RIMS2: variants seen among roughly 807,000 people sequenced by gnomAD.
RIMS2 encodes the protein regulating synaptic membrane exocytosis 2.
RIMS2 carries 59 observed loss-of-function variants against 174.4 expected under a neutral mutation model. The observed-to-expected ratio is 0.34, with a 90% CI of 0.27 to 0.42. The LOEUF is 0.42. Ranked by LOEUF, RIMS2 falls within the 10% of genes least tolerant of loss-of-function variation. The probability of loss-of-function intolerance (pLI) is 1.00; values close to 1 mark genes in which losing one functional copy is unlikely to be tolerated. For missense variants in RIMS2, 1,620 were observed against 1,666.3 expected, an observed-to-expected ratio of 0.97 and a Z score of 0.48; for synonymous variants, 606 against 572.5, an observed-to-expected ratio of 1.06 and a Z score of -0.84.
intron 3 of RIMS2, among the ~76,000 whole-genome samples, chr8:103,774,340 A>G (rs2154429801): frequency 6.6e-6 from 1 of 152,312 alleles, no homozygotes; most frequent in South Asian, 2.1e-4. Context: ...TACTTAAGAG[A>G]GATGAAATAA....
At chr8:104,225,601 C>G (rs2099182534) in intron 19 of RIMS2, among the ~76,000 whole-genome samples, 1 of 151,948 alleles carries the variant, frequency 6.6e-6, no homozygotes, top group Admixed American at 6.6e-5. Context: ...CTTTTTGAGA[C>G]AAGAAAAATG....
intron 1 of RIMS2, among the ~76,000 whole-genome samples, chr8:103,628,671 T>G (rs1338000712): frequency 6.6e-6 from 1 of 150,936 alleles, no homozygotes; most frequent in East Asian, 1.9e-4. Flanking sequence ...GGCTGGCCCT[T>G]GGGGTTTTTT....
At chr8:103,516,632 A>G (rs1829107858) in intron 1 of RIMS2, among the ~76,000 whole-genome samples, 1 of 152,186 alleles carries the variant, frequency 6.6e-6, no homozygotes, top group Non-Finnish European at 1.5e-5. Context: ...GACATCTAAT[A>G]CTAGATGTTG....
At chr8:103,582,719 A>G (rs901232218) in intron 1 of RIMS2, among the ~76,000 whole-genome samples, 1 of 152,042 alleles carries the variant, frequency 6.6e-6, no homozygotes, top group Non-Finnish European at 1.5e-5. Flanking sequence ...AAGAGGAGGG[A>G]AGAGTGGAAA....
intron 19 of RIMS2, 83 bp from the exon 25 acceptor site, chr8:104,148,524 C>A: frequency 8.2e-7 from 1 of 1,221,854 alleles, no homozygotes; most frequent in Non-Finnish European, 1.1e-6. Flanking sequence ...TTTAATTATA[C>A]TCCAAATGTT....
chr8:104,178,421 C>G (rs765503852), intron 19 of RIMS2, among the ~76,000 whole-genome samples: 2 of 152,138 alleles, frequency 1.3e-5, no homozygotes, highest in African/African-American at 2.4e-5. Context: ...TTTTCAGCCT[C>G]TAATCTTTTC....
rs146528482 is a variant in RIMS2, at chr8:104,191,696, T to C, written c.3335-53220T>C. 6.1e-3 allele frequency among the ~76,000 whole-genome samples: 933 copies of C among 152,262 alleles called. 9 individuals are homozygous for C. The East Asian group carries it at 0.064, about 10-fold the overall frequency. On this transcript the variant is annotated intron_variant, in intron 19 of 23. Transcript: ENST00000504942. ...TTCTAATTTGCTAATAATAAACAAT[T>C]AAATAGCACAATGAAAATTTGTTAG...
chr8:103,534,116 G>T (rs796181961), intron 1 of RIMS2, among the ~76,000 whole-genome samples: 23 of 152,294 alleles, frequency 1.5e-4, no homozygotes, highest in African/African-American at 5.1e-4. Context: ...ATAAATTTCT[G>T]TGTTCAACTT....
chr8:104,144,269 G>A (rs2098609815), intron 19 of RIMS2, among the ~76,000 whole-genome samples: 1 of 151,984 alleles, frequency 6.6e-6, no homozygotes, highest in South Asian at 2.1e-4. Flanking sequence ...AGTTTTTATT[G>A]TTTTTCTAAA....
chr8:104,127,510 G>C (rs1410497748), intron 19 of RIMS2, among the ~76,000 whole-genome samples: 1 of 152,182 alleles, frequency 6.6e-6, no homozygotes, highest in Non-Finnish European at 1.5e-5. Flanking sequence ...TAAGAGTGCA[G>C]ACTCTGGAAC....
At chr8:104,043,864 G>C (rs1431719699) in intron 19 of RIMS2, among the ~76,000 whole-genome samples, 1 of 151,658 alleles carries the variant, frequency 6.6e-6, no homozygotes, top group South Asian at 2.1e-4. Context: ...GAGGGCCTCA[G>C]CTTGATAGAT....
chr8:104,010,882 A>G (rs2095740473), intron 17 of RIMS2, among the ~76,000 whole-genome samples: 1 of 152,178 alleles, frequency 6.6e-6, no homozygotes, highest in South Asian at 2.1e-4. Context: ...TAAAATGGTT[A>G]CAGAGGAAAT....
chr8:103,905,664 T>A (rs1298035337), intron 4 of RIMS2, among the ~76,000 whole-genome samples: 1 of 17,346 alleles, frequency 5.8e-5, no homozygotes, highest in Non-Finnish European at 1.6e-4. Flanking sequence ...TTTGAATACT[T>A]TTTTTTTTTT....
chr8:103,715,865 G>A (rs947418289), intron 2 of RIMS2, among the ~76,000 whole-genome samples: 7 of 151,942 alleles, frequency 4.6e-5, no homozygotes, highest in African/African-American at 1.7e-4. Context: ...ATCTACTTTT[G>A]ATAGTATATG....
At chr8:103,613,129 T>C (rs1274346544) in intron 1 of RIMS2, among the ~76,000 whole-genome samples, 3 of 152,156 alleles carry the variant, frequency 2.0e-5, no homozygotes, top group Admixed American at 1.3e-4. Flanking sequence ...TCCTTCAGGG[T>C]GGTGCATTTT....
chr8:103,523,839 C>T (rs557831574), intron 1 of RIMS2, among the ~76,000 whole-genome samples: 26 of 152,042 alleles, frequency 1.7e-4, no homozygotes, highest in African/African-American at 5.5e-4. Context: ...AAAATGTTTA[C>T]TGTGTTTCTG....
intron 19 of RIMS2, among the ~76,000 whole-genome samples, chr8:104,075,662 T>C (rs1036751740): frequency 6.6e-6 from 1 of 152,160 alleles, no homozygotes; most frequent in African/African-American, 2.4e-5. Context: ...TCTTCATGCC[T>C]CAGCAAGCAG....
chr8:103,754,092 T>C (rs1351576055), intron 2 of RIMS2, among the ~76,000 whole-genome samples: 1 of 152,228 alleles, frequency 6.6e-6, no homozygotes, highest in Non-Finnish European at 1.5e-5. Flanking sequence ...CTCTACACAC[T>C]GCTTTAAGTG....
intron 19 of RIMS2, among the ~76,000 whole-genome samples, chr8:104,030,009 A>G (rs1424003487): frequency 6.6e-6 from 1 of 152,154 alleles, no homozygotes; most frequent in African/African-American, 2.4e-5. Context: ...AGTGTATCCA[A>G]AATCACCTAT....
Sources: gnomAD v4.1 joint callset for allele counts (sites outside exome capture counted in the v4.1 genomes callset) on GRCh38, gnomAD v4.1.1 for gene constraint, MANE v1.5 for transcripts, NCBI Gene and HGNC (gene_info 2026-07-23, HGNC 2026-07-21) for gene names.